DEPDC5: variants seen among roughly 807,000 people sequenced by gnomAD.
DEPDC5 encodes the protein DEP domain containing 5, GATOR1 subcomplex subunit, also known as GATOR1 complex protein DEPDC5.
A neutral mutation model predicts 217.3 loss-of-function variants in DEPDC5; 73 were observed. The ratio of observed to expected loss-of-function variants is 0.34; its 90% CI spans 0.28 to 0.41. The LOEUF (loss-of-function observed/expected upper bound fraction) is 0.41. DEPDC5 is among the 10% of genes least tolerant of loss of function. The pLI is 1.00. For synonymous variants in DEPDC5, 733 were observed against 756.7 expected, an observed-to-expected ratio of 0.97 and a Z score of 0.51; for missense variants, 1,675 against 2,070.1, an observed-to-expected ratio of 0.81 and a Z score of 3.70.
rs199897456 is a variant in DEPDC5 at position 31,837,030 on chromosome 22, C to T, written c.2229C>T (p.Asp743=). Residue 743 remains aspartate (D), a synonymous_variant, in exon 26 of 43, where the codon GAC becomes GAT. Coordinates refer to ENST00000651528, the MANE Select transcript of DEPDC5 (RefSeq NM_001242896.3). ...VPGFCCTVGV[D]WKSLTTPACL... ...GCTTCTGTTGCACAGTTGGAGTGGA[C>T]TGGAAGTCTCTCACTACTCCGGCGT... The T allele has an allele frequency of 1.8e-5, 29 of 1,614,014 alleles. No homozygotes were observed. Among genetic ancestry groups the T allele is most frequent in the Admixed American group, 1.3e-4 (8 of 59,998 alleles).
At chr22:31,827,093 T>A (rs2090211987) in intron 24 of DEPDC5, among the ~76,000 whole-genome samples, 1 of 152,030 alleles carries the variant, frequency 6.6e-6, no homozygotes, top group Admixed American at 6.6e-5. Flanking sequence ...GCTTGGCTTC[T>A]CATAGATGGT....
intron 35 of DEPDC5, chr22:31,874,066 T>C: frequency 1.5e-6 from 1 of 649,280 alleles, no homozygotes; most frequent in Non-Finnish European, 2.4e-6. Context: ...GTGCTGGGAT[T>C]ACAGGCGTGA....
intron 37 of DEPDC5, among the ~76,000 whole-genome samples, chr22:31,879,043 A>AAAAAAT (rs763615141): frequency 8.4e-5 from 10 of 119,474 alleles, no homozygotes; most frequent in South Asian, 2.8e-4. Context: ...AAAAAAAAAA[A>AAAAAAT]ATATATATAT....
At chr22:31,837,400 G>T in intron 26 of DEPDC5, 1 of 544,186 alleles carries the variant, frequency 1.8e-6, no homozygotes, top group Non-Finnish European at 3.2e-6. Flanking sequence ...GCTCGGGTTG[G>T]AGTACAGTGG....
rs549795236 is a variant in DEPDC5 at position 31,838,414 on chromosome 22, G to C, written c.2355-271G>C. 3.9e-5 allele frequency among the ~76,000 whole-genome samples: 6 copies of C among 152,078 alleles called. No individual in the cohort carries two copies. The South Asian group carries it at 1.0e-3, about 26-fold the overall frequency. The stretch of plus-strand genomic sequence containing the variant: ...GTGCCACCATACTTGGTTAATTTTT[G>C]TATATTTTTTGGTAGAGACAGGGTT... On this transcript the variant is annotated intron_variant, in intron 26 of 42. Coordinates refer to ENST00000651528, the MANE Select transcript of DEPDC5 (RefSeq NM_001242896.3).
At chr22:31,797,516 A>C in intron 12 of DEPDC5, 84 bp from the exon 13 acceptor site, 1 of 1,128,892 alleles carries the variant, frequency 8.9e-7, no homozygotes, top group Non-Finnish European at 1.3e-6. Flanking sequence ...TGGGTATTAC[A>C]ATTTGAGATG....
intron 22 of DEPDC5, 72 bp from the exon 23 acceptor site, chr22:31,821,430 G>A (rs1386045320): frequency 1.3e-6 from 2 of 1,578,374 alleles, no homozygotes; most frequent in South Asian, 1.1e-5. Flanking sequence ...TGGAAAGAAG[G>A]GAGAGTATAG....
intron 38 of DEPDC5, among the ~76,000 whole-genome samples, chr22:31,885,973 C>T (rs972619084): frequency 6.6e-6 from 1 of 150,416 alleles, no homozygotes; most frequent in Non-Finnish European, 1.5e-5. Flanking sequence ...GCGGAGGTTG[C>T]ATTGAGCCAA....
chr22:31,777,260 C>T (rs1448237005), intron 7 of DEPDC5, among the ~76,000 whole-genome samples: 1 of 138,180 alleles, frequency 7.2e-6, no homozygotes, highest in East Asian at 2.2e-4. Context: ...GCACCTGGCC[C>T]TAAGTTTTTT....
intron 29 of DEPDC5, chr22:31,844,791 G>A (rs2091624893): frequency 1.6e-5 from 6 of 385,006 alleles, no homozygotes; most frequent in African/African-American, 2.4e-5. Context: ...CTGAGTTCAA[G>A]CAATCCTCCT....
intron 21 of DEPDC5, among the ~76,000 whole-genome samples, chr22:31,818,684 C>G (rs2089402902): frequency 6.6e-6 from 1 of 152,178 alleles, no homozygotes; most frequent in African/African-American, 2.4e-5. Flanking sequence ...TATACTCGTT[C>G]CTTTCCCAAG....
chr22:31,904,361 G>T (rs968195431), intron 41 of DEPDC5, among the ~76,000 whole-genome samples: 1 of 152,130 alleles, frequency 6.6e-6, no homozygotes, highest in Non-Finnish European at 1.5e-5. Flanking sequence ...GGTGACCTAA[G>T]GAAGAAATGA....
At chr22:31,773,408 C>T (rs776044571) in intron 7 of DEPDC5, among the ~76,000 whole-genome samples, 9 of 152,002 alleles carry the variant, frequency 5.9e-5, no homozygotes, top group Non-Finnish European at 7.4e-5. Flanking sequence ...TCACTATGTT[C>T]CTCAGGCTGG....
At chr22:31,900,334 G>A (rs982443600) in intron 40 of DEPDC5, among the ~76,000 whole-genome samples, 2 of 151,902 alleles carry the variant, frequency 1.3e-5, no homozygotes, top group East Asian at 3.9e-4. Context: ...GGTGTGAGCC[G>A]CCGCACCTGG....
intron 38 of DEPDC5, 167 bp downstream of exon 38, chr22:31,879,919 C>T (rs567977472): frequency 4.5e-6 from 3 of 669,422 alleles, no homozygotes; most frequent in Non-Finnish European, 7.6e-6. Flanking sequence ...CTGACTTCCA[C>T]TTGCCGAGTG....
rs2092931592 is a variant in DEPDC5 at position 31,874,287 on chromosome 22, T to A, written c.3578T>A (p.Leu1193Gln). Residue 1193 changes from leucine to glutamine, a missense_variant, in exon 36 of 43, where the codon CTG (leucine) becomes CAG (glutamine). Transcript: ENST00000651528. ...TTGGAACCCAGGACAGGAGTCCAGC[T>A]GCTCTCTGAACAGAAGGGCCTCTCA... ...AMKHPSTGVQ[L>Q]LSEQKGLSPY... The A allele has an allele frequency of 6.2e-7, 1 of 1,607,424 alleles. No homozygotes were observed. Among genetic ancestry groups the A allele is most frequent in the Non-Finnish European group, 8.5e-7 (1 of 1,176,774 alleles).
chr22:31,770,623 A>T (rs1321864404), intron 7 of DEPDC5, among the ~76,000 whole-genome samples: 1 of 145,700 alleles, frequency 6.9e-6, no homozygotes, highest in Non-Finnish European at 1.5e-5. Context: ...CGAACTCCTG[A>T]CCTCGTGATC....
In DEPDC5 at chr22:31,777,978, C is replaced by G. The variant is rs926368707; in HGVS notation, c.414-121C>G. On this transcript the variant is annotated intron_variant, in intron 7 of 42. Coordinates refer to ENST00000651528, the MANE Select transcript of DEPDC5 (RefSeq NM_001242896.3). ...GTCCAGGCTGGTCTCGAAGTCCTGA[C>G]CTCAGGTAATTCGCCCGCCTTGGCT... 7.6e-6 allele frequency: 8 copies of G among 1,051,058 alleles called. No homozygotes were observed. The South Asian group carries it at 9.3e-5, about 12-fold the overall frequency. The allele number at this position is 1,051,058 out of a possible 1,614,324, so 65.1% of individuals were successfully genotyped here.
At chr22:31,796,994 C>T (rs2086313641) in intron 12 of DEPDC5, among the ~76,000 whole-genome samples, 1 of 149,584 alleles carries the variant, frequency 6.7e-6, no homozygotes, top group Non-Finnish European at 1.5e-5. Context: ...CATGCCCAGC[C>T]TCTTTTTTTT....
Sources: gnomAD v4.1 joint callset for allele counts (sites outside exome capture counted in the v4.1 genomes callset) on GRCh38, gnomAD v4.1.1 for gene constraint, MANE v1.5 for transcripts, NCBI Gene and HGNC (gene_info 2026-07-23, HGNC 2026-07-21) for gene names.